The following PCDHGA12 variants were observed in gnomAD, a reference collection of about 807,000 sequenced individuals.
PCDHGA12 encodes protocadherin gamma subfamily A, 12.
A neutral mutation model predicts 61.1 loss-of-function variants in PCDHGA12; 43 were observed. The observed-to-expected ratio is 0.70, with a 90% CI of 0.55 to 0.91. PCDHGA12 has a LOEUF of 0.91. Among genes scored for constraint, PCDHGA12 ranks in the 40% least tolerant of loss-of-function variants. PCDHGA12 has a pLI of 0.00. For missense variants in PCDHGA12, 1,236 were observed against 1,227.7 expected, an observed-to-expected ratio of 1.01 and a Z score of -0.10; for synonymous variants, 520 against 542.9, an observed-to-expected ratio of 0.96 and a Z score of 0.59.
At chr5:141,452,281 T>C (rs948141174) in intron 1 of PCDHGA12, among the ~76,000 whole-genome samples, 1 of 152,232 alleles carries the variant, frequency 6.6e-6, no homozygotes, top group African/African-American at 2.4e-5. Flanking sequence ...CCTTTCTTAC[T>C]TTCTGATATA....
chr5:141,461,845 C>CA (rs2099025049), intron 1 of PCDHGA12, among the ~76,000 whole-genome samples: 1 of 151,000 alleles, frequency 6.6e-6, no homozygotes. Context: ...TTTTTTGAGA[C>CA]AGAGTTTTGC....
At chr5:141,465,457 C>G (rs956070103) in intron 1 of PCDHGA12, among the ~76,000 whole-genome samples, 1 of 152,214 alleles carries the variant, frequency 6.6e-6, no homozygotes, top group Non-Finnish European at 1.5e-5. Context: ...AAAACTCTCA[C>G]CAAATTGCCC....
At chr5:141,462,990 A>G (rs181384059) in intron 1 of PCDHGA12, among the ~76,000 whole-genome samples, 1 of 152,126 alleles carries the variant, frequency 6.6e-6, no homozygotes, top group Non-Finnish European at 1.5e-5. Flanking sequence ...GCCTTGGGCT[A>G]ATTTAGACCT....
At chr5:141,492,727 G>A (rs2099743408) in intron 1 of PCDHGA12, among the ~76,000 whole-genome samples, 1 of 152,274 alleles carries the variant, frequency 6.6e-6, no homozygotes, top group South Asian at 2.1e-4. Flanking sequence ...GACAGGCAGA[G>A]CTGCCCAGTG....
rs965707754 is a variant in PCDHGA12 at position 141,505,329 on chromosome 5, G to A, written c.2484-64G>A. On this transcript the variant is annotated intron_variant, in intron 2 of 3. Coordinates refer to ENST00000252085, the MANE Select transcript of PCDHGA12 (RefSeq NM_003735.3). ...ACTAGGTTTGGGAGCCCTGGGAGAG[G>A]ACAGGAGGGGCATGAGCTGTGCCGG... is the stretch of plus-strand genomic sequence containing the variant. The A allele has an allele frequency of 2.5e-6, 4 of 1,610,060 alleles. No individual in the cohort carries two copies. The African/African-American group carries it at 5.3e-5, about 22-fold the overall frequency.
chr5:141,448,204 C>G (rs757249025), intron 1 of PCDHGA12, among the ~76,000 whole-genome samples: 28 of 152,124 alleles, frequency 1.8e-4, no homozygotes, highest in South Asian at 4.1e-4. Flanking sequence ...CAAACATTTT[C>G]TGTGTGTATG....
In PCDHGA12 at chr5:141,486,705, A is replaced by T. The variant is rs2099633722; in HGVS notation, c.2425-8102A>T. On this transcript the variant is annotated intron_variant, in intron 1 of 3. Transcript: ENST00000252085. This position sits in a 1 kb window ranked among gnomAD's most constrained non-coding sequence, Gnocchi z 5.0. ...TCAGCTTCCTCTTTCATCTCTCTGA[A>T]CCCCCAGACAGGAGCTGTTCATGCT... The T allele has an allele frequency of 6.2e-7, 1 of 1,613,844 alleles. No individual in the cohort carries two copies. The highest frequency in any genetic ancestry group is 1.3e-5 in the African/African-American group (1 of 74,910).
Position 141,491,075 on chromosome 5 carries a change from A to G in PCDHGA12, c.2425-3732A>G, listed in dbSNP as rs147291399. ...TGGCTCTCCTACTCACTGTTGCCAC[A>G]GTCCACAGCCCCAGGACTGTTCCTC... is the stretch of plus-strand genomic sequence containing the variant. On this transcript the variant is annotated intron_variant, in intron 1 of 3. Coordinates refer to ENST00000252085, the MANE Select transcript of PCDHGA12 (RefSeq NM_003735.3). This position sits in a 1 kb window ranked among gnomAD's most constrained non-coding sequence, Gnocchi z 6.9. 1.2e-6 allele frequency: 2 copies of G among 1,614,080 alleles called. No individual in the cohort carries two copies. Among genetic ancestry groups the G allele is most frequent in the Non-Finnish European group, 8.5e-7 (1 of 1,180,042 alleles).
chr5:141,472,853 G>A (rs1283601489), intron 1 of PCDHGA12, among the ~76,000 whole-genome samples: 1 of 151,738 alleles, frequency 6.6e-6, no homozygotes, highest in Non-Finnish European at 1.5e-5. Flanking sequence ...GGGCATGGTG[G>A]CACATGCCTG....
intron 1 of PCDHGA12, among the ~76,000 whole-genome samples, chr5:141,444,733 G>A (rs1464370133): frequency 6.6e-6 from 1 of 152,106 alleles, no homozygotes; most frequent in Non-Finnish European, 1.5e-5. Flanking sequence ...TTTGTTGAAA[G>A]TCATTTCACT....
At position 141,459,173 on chromosome 5, in the gene PCDHGA12, AG is replaced by A. The variant is rs370401072; in HGVS notation, c.2424+25991del. Among the ~76,000 whole-genome samples the A allele has an allele frequency of 3.1e-3, 479 of 152,326 alleles. 10 individuals carry two copies. In the South Asian group the frequency reaches 0.063, roughly 20 times the overall value. ...ATAGAACATTTCTATAACCTTCAAA[AG>A]TTCCCTCATGCCCCTTTGCAATCAA... On this transcript the variant is annotated intron_variant, in intron 1 of 3. Coordinates refer to ENST00000252085, the MANE Select transcript of PCDHGA12 (RefSeq NM_003735.3).
At chr5:141,483,637 G>A (rs1365525499) in intron 1 of PCDHGA12, among the ~76,000 whole-genome samples, 1 of 145,878 alleles carries the variant, frequency 6.9e-6, no homozygotes, top group South Asian at 2.1e-4. Flanking sequence ...AAGGTATAGA[G>A]GGGTGTGTGT....
rs1210809217 is a variant in PCDHGA12 at position 141,432,990 on chromosome 5, A to G, written c.2231A>G (p.Asp744Gly). The G allele has an allele frequency of 6.2e-7, 1 of 1,614,152 alleles. No individual in the cohort carries two copies. The highest frequency in any genetic ancestry group is 1.7e-5 in the Admixed American group (1 of 60,022). ...GAPASHFVGV[D>G]GVQAFLQTYS... is the part of the protein sequence containing the mutation. ...CCGGCGTCGCACTTTGTGGGCGTGGACGGGGTGCAGGCTTTCCTGCAGACC... is the reference window on the plus strand; with the variant it reads ...CCGGCGTCGCACTTTGTGGGCGTGGGCGGGGTGCAGGCTTTCCTGCAGACC... The change falls in exon 1 of 4, where the codon GAC becomes GGC. Residue 744 changes from aspartate (D) to glycine (G), a missense_variant. Transcript: ENST00000252085. This position sits in a 1 kb window ranked among gnomAD's most constrained non-coding sequence, Gnocchi z 6.0.
Position 141,447,676 on chromosome 5 carries a change from C to T in PCDHGA12, c.2424+14493C>T, listed in dbSNP as rs1466767844. Among the ~76,000 whole-genome samples the T allele has an allele frequency of 2.6e-5, 4 of 152,104 alleles. No individual in the cohort carries two copies. The East Asian group carries it at 7.7e-4, about 29-fold the overall frequency. On this transcript the variant is annotated intron_variant, in intron 1 of 3. Coordinates refer to ENST00000252085, the MANE Select transcript of PCDHGA12 (RefSeq NM_003735.3). The stretch of plus-strand genomic sequence containing the variant: ...CCCCCCCAGGAAGTTAGAACTGTTC[C>T]ATATCTTGATAGAGGGATGGGTTAT...
chr5:141,477,351 G>A lies in PCDHGA12; in HGVS notation c.2425-17456G>A. 6.2e-7 allele frequency: 1 copy of A among 1,614,126 alleles called. No homozygotes were observed. The highest frequency in any genetic ancestry group is 8.5e-7 in the Non-Finnish European group (1 of 1,180,018). On this transcript the variant is annotated intron_variant, in intron 1 of 3. Transcript: ENST00000252085. This position sits in a 1 kb window ranked among gnomAD's most constrained non-coding sequence, Gnocchi z 4.9. ...AAGAATTACTTCACTTTGAAAACCA[G>A]TGCAGACCTGGATCGGGAGACTGTG...
chr5:141,470,577 C>T (rs75062402), intron 1 of PCDHGA12, among the ~76,000 whole-genome samples: 8,307 of 152,270 alleles, frequency 0.055, 479 homozygotes, highest in African/African-American at 0.15. Flanking sequence ...GCAGGATCAA[C>T]TTCATAGGCA....
chr5:141,439,638 C>T (rs1256973189), intron 1 of PCDHGA12, among the ~76,000 whole-genome samples: 2 of 152,184 alleles, frequency 1.3e-5, no homozygotes, highest in African/African-American at 4.8e-5. Context: ...GACATTCCGG[C>T]TTGGTGGCTT....
intron 1 of PCDHGA12, 82 bp from the exon 2 acceptor site, chr5:141,494,725 C>G: frequency 6.2e-7 from 1 of 1,610,026 alleles, no homozygotes; most frequent in East Asian, 2.2e-5. Flanking sequence ...CCCTCCTTCT[C>G]TCCCGGCCCA....
chr5:141,439,065 C>T (rs571768018), intron 1 of PCDHGA12, among the ~76,000 whole-genome samples: 13 of 151,628 alleles, frequency 8.6e-5, no homozygotes, highest in East Asian at 7.9e-4. Flanking sequence ...GTGTGGCAGG[C>T]GCCTGTAATC....
Sources: allele counts gnomAD v4.1 joint callset (sites outside exome capture counted in the v4.1 genomes callset), GRCh38; gene constraint gnomAD v4.1.1; non-coding constraint Gnocchi (gnomAD v3.1); transcripts MANE v1.5; gene names NCBI Gene and HGNC (gene_info 2026-07-23, HGNC 2026-07-21).